Variants in FBXL20 observed in about 807,000 individuals in gnomAD.
The protein encoded by FBXL20 is F-box/LRR-repeat protein 20.
In FBXL20, 11 loss-of-function variants were observed where a neutral mutation model predicts 64.0. The observed-to-expected ratio is 0.17, with a 90% CI of 0.11 to 0.28. FBXL20 has a LOEUF of 0.28. FBXL20 is among the 10% of genes least tolerant of loss of function. The probability of loss-of-function intolerance (pLI) is 1.00; values close to 1 mark genes in which losing one functional copy is unlikely to be tolerated. For synonymous variants in FBXL20, 184 were observed against 189.0 expected, an observed-to-expected ratio of 0.97 and a Z score of 0.22; for missense variants, 303 against 526.2, an observed-to-expected ratio of 0.58 and a Z score of 4.15.
intron 2 of FBXL20, among the ~76,000 whole-genome samples, chr17:39,308,391 G>A (rs952429115): frequency 6.6e-6 from 1 of 151,712 alleles, no homozygotes; most frequent in African/African-American, 2.4e-5. Context: ...GCTATCCAGG[G>A]GGCTAAGGAA....
intron 1 of FBXL20, among the ~76,000 whole-genome samples, chr17:39,344,043 T>A (rs1011399839): frequency 1.3e-5 from 2 of 152,126 alleles, no homozygotes; most frequent in Non-Finnish European, 2.9e-5. Context: ...TTTGTATTTT[T>A]AGTAGAGGTG....
chr17:39,395,535 T>C (rs1440770753), intron 1 of FBXL20, among the ~76,000 whole-genome samples: 1 of 152,252 alleles, frequency 6.6e-6, no homozygotes, highest in Non-Finnish European at 1.5e-5. Context: ...GCCCAGGCCT[T>C]TGCTATGTAT....
At chr17:39,302,139 A>T (rs1391142466) in intron 3 of FBXL20, among the ~76,000 whole-genome samples, 1 of 151,942 alleles carries the variant, frequency 6.6e-6, no homozygotes, top group Non-Finnish European at 1.5e-5. Context: ...AAAACCAAAC[A>T]TCAAAGGGGA....
chr17:39,402,308 T>C, upstream of FBXL20: 3 of 909,198 alleles, frequency 3.3e-6, no homozygotes, highest in Non-Finnish European at 4.3e-6. Context: ...CTCCCCCGCC[T>C]CCCCCGCCCC....
intron 4 of FBXL20, among the ~76,000 whole-genome samples, chr17:39,300,369 T>C (rs2047123228): frequency 6.6e-6 from 1 of 152,156 alleles, no homozygotes; most frequent in Non-Finnish European, 1.5e-5. Context: ...AAGAAGCTAT[T>C]TATTTCTACC....
In FBXL20 at chr17:39,335,773, A is replaced by C. The variant is rs549191512; in HGVS notation, c.104+7407T>G. Among the ~76,000 whole-genome samples the C allele has an allele frequency of 2.0e-5, 3 of 152,288 alleles. No homozygotes were observed. The East Asian group carries it at 5.8e-4, about 29-fold the overall frequency. Reference sequence around the variant, plus strand: ...TTGCTAACTGAATTTCACATTATGCAAACAGTGGATTCCAGCTTGTTAAAC... The same window carrying C: ...TTGCTAACTGAATTTCACATTATGCCAACAGTGGATTCCAGCTTGTTAAAC... On this transcript the variant is annotated intron_variant, in intron 2 of 14. Coordinates refer to ENST00000264658, the MANE Select transcript of FBXL20 (RefSeq NM_032875.3).
intron 3 of FBXL20, among the ~76,000 whole-genome samples, chr17:39,302,942 C>T (rs2047151015): frequency 2.0e-5 from 3 of 151,194 alleles, no homozygotes; most frequent in Non-Finnish European, 4.4e-5. Flanking sequence ...GACAGAGTCT[C>T]GCTCTGTCGC....
chr17:39,397,786 C>T (rs1478964198), intron 1 of FBXL20, among the ~76,000 whole-genome samples: 2 of 150,928 alleles, frequency 1.3e-5, no homozygotes, highest in East Asian at 3.9e-4. Flanking sequence ...TTTGGAAAAG[C>T]TCTTTTCCAC....
chr17:39,343,285 A>G, intron 1 of FBXL20, 44 bp from the exon 2 acceptor site: 18 of 1,370,286 alleles, frequency 1.3e-5, no homozygotes, highest in Non-Finnish European at 1.8e-5. Context: ...TTAACATTTT[A>G]TTACAGAATG....
rs944008212 is a variant in FBXL20 at position 39,257,564 on chromosome 17, C to A, written c.*3896G>T. On this transcript the variant is annotated 3_prime_UTR_variant, in exon 15 of 15. Transcript: ENST00000264658. ...ACAAAGCACAATATGCTTTCATATT[C>A]CAAATATTGGAAAAAGGGCTAAGGC... 5 of 152,242 alleles carry A rather than the reference C, an allele frequency of 3.3e-5. No individual in the cohort carries two copies. Among genetic ancestry groups the A allele is most frequent in the Non-Finnish European group, 5.9e-5 (4 of 68,050 alleles). 9.4% of individuals were successfully genotyped at this position (152,242 alleles called of 1,614,324 possible).
intron 1 of FBXL20, among the ~76,000 whole-genome samples, chr17:39,383,950 C>G (rs988949377): frequency 2.6e-5 from 4 of 151,914 alleles, no homozygotes; most frequent in African/African-American, 9.7e-5. Flanking sequence ...ATAAAATTTA[C>G]AGGCCAGGCC....
intron 2 of FBXL20, among the ~76,000 whole-genome samples, chr17:39,337,882 G>T (rs71423163): frequency 6.7e-6 from 1 of 149,700 alleles, no homozygotes; most frequent in African/African-American, 2.5e-5. Context: ...GTCAGGCCCC[G>T]CCCGGCCAGC....
intron 1 of FBXL20, among the ~76,000 whole-genome samples, chr17:39,395,267 A>C (rs1247845655): frequency 6.6e-6 from 1 of 152,050 alleles, no homozygotes; most frequent in African/African-American, 2.4e-5. Context: ...TCTACTAAAA[A>C]CACAAAATTA....
intron 2 of FBXL20, among the ~76,000 whole-genome samples, chr17:39,332,536 CTTTT>C (rs58827473): frequency 5.2e-5 from 5 of 96,944 alleles, no homozygotes; most frequent in Admixed American, 1.3e-4. Flanking sequence ...TTCTTTGTAT[CTTTT>C]TTTTTTTTTT....
chr17:39,373,147 C>A (rs1050323355), intron 1 of FBXL20, among the ~76,000 whole-genome samples: 3 of 152,020 alleles, frequency 2.0e-5, no homozygotes, highest in African/African-American at 7.3e-5. Flanking sequence ...CCTTTTCTGA[C>A]CCCCTTTGTA....
chr17:39,264,049 C>T (rs545876410), intron 14 of FBXL20, 126 bp downstream of exon 14: 15 of 1,074,838 alleles, frequency 1.4e-5, no homozygotes, highest in African/African-American at 1.3e-4. Flanking sequence ...ACTTTTTTCT[C>T]TTTCCCTTGT....
intron 1 of FBXL20, among the ~76,000 whole-genome samples, chr17:39,399,974 T>C (rs2048225621): frequency 6.6e-6 from 1 of 152,214 alleles, no homozygotes; most frequent in South Asian, 2.1e-4. Context: ...GAACGTCTAT[T>C]CAGCAATTTT....
intron 6 of FBXL20, among the ~76,000 whole-genome samples, chr17:39,295,282 T>C (rs1181957639): frequency 1.3e-5 from 2 of 152,206 alleles, no homozygotes; most frequent in Non-Finnish European, 2.9e-5. Context: ...GGGTTTTTTC[T>C]TTGAACCAGA....
chr17:39,340,847 A>G (rs28482878), intron 2 of FBXL20, among the ~76,000 whole-genome samples: 32,503 of 151,818 alleles, frequency 0.21, 4,000 homozygotes, highest in African/African-American at 0.33. Context: ...TAAAACTTTT[A>G]AAGATATATT....
Sources: gnomAD v4.1 joint callset for allele counts (sites outside exome capture counted in the v4.1 genomes callset) on GRCh38, gnomAD v4.1.1 for gene constraint, MANE v1.5 for transcripts, NCBI Gene and HGNC (gene_info 2026-07-23, HGNC 2026-07-21) for gene names.